The following RYR2 variants were observed in gnomAD, a reference collection of about 807,000 sequenced individuals.
The protein encoded by RYR2 is cardiac muscle ryanodine receptor-calcium release channel.
In RYR2, 227 loss-of-function variants were observed where a neutral mutation model predicts 601.1. The ratio of observed to expected loss-of-function variants is 0.38; its 90% CI spans 0.34 to 0.42. The LOEUF (loss-of-function observed/expected upper bound fraction) is 0.42. Among genes scored for constraint, RYR2 ranks in the 10% least tolerant of loss-of-function variants. The probability of loss-of-function intolerance (pLI) is 1.00; values close to 1 mark genes in which losing one functional copy is unlikely to be tolerated. For missense variants in RYR2, 4,646 were observed against 6,156.5 expected, an observed-to-expected ratio of 0.75 and a Z score of 8.21; for synonymous variants, 2,223 against 2,175.1, an observed-to-expected ratio of 1.02 and a Z score of -0.61.
intron 1 of RYR2, among the ~76,000 whole-genome samples, chr1:237,053,245 C>A (rs916531951): frequency 6.6e-6 from 1 of 152,200 alleles, no homozygotes; most frequent in African/African-American, 2.4e-5. Flanking sequence ...AGCTGGGAGT[C>A]ATGATCAGCT....
At position 237,684,094 on chromosome 1, in the gene RYR2, A is replaced by ATT. The variant is rs1223468414; in HGVS notation, c.9018-3350_9018-3349dup. Among the ~76,000 whole-genome samples, 10 of 147,022 alleles carry ATT rather than the reference A, an allele frequency of 6.8e-5. 1 individual carries two copies. Among genetic ancestry groups the ATT allele is most frequent in the South Asian group, 6.5e-4 (3 of 4,626 alleles). ...AGGCACCCACCACCATGCCCGGCTA[A>ATT]TTTTTTTTTTTTATTATTTTTAGTA... On this transcript the variant is annotated intron_variant, in intron 62 of 104. Coordinates refer to ENST00000366574, the MANE Select transcript of RYR2 (RefSeq NM_001035.3).
chr1:237,301,468 C>T (rs1005621761), intron 2 of RYR2, among the ~76,000 whole-genome samples: 4 of 152,156 alleles, frequency 2.6e-5, no homozygotes, highest in African/African-American at 4.8e-5. Flanking sequence ...TTTGTCCTTA[C>T]AATTGCAAAC....
rs554468710 is a variant in RYR2 at position 237,541,664 on chromosome 1, C to T, written c.2907-6767C>T. 2.4e-3 allele frequency among the ~76,000 whole-genome samples: 367 copies of T among 152,002 alleles called. 1 individual carries two copies. Among genetic ancestry groups the T allele is most frequent in the African/African-American group, 8.3e-3 (344 of 41,426 alleles). ...CACCTGGGTGCAGGTGGGCTGAGTC[C>T]GAAAAGAGAGTCAGCGAAGGGAGAT... On this transcript the variant is annotated intron_variant, in intron 25 of 104. Coordinates refer to ENST00000366574, the MANE Select transcript of RYR2 (RefSeq NM_001035.3).
At chr1:237,184,762 T>G (rs185468162) in intron 1 of RYR2, among the ~76,000 whole-genome samples, 42 of 152,300 alleles carry the variant, frequency 2.8e-4, no homozygotes, top group Admixed American at 2.4e-3. Flanking sequence ...ATAAATTTAT[T>G]AGGTTTTAAA....
chr1:237,284,505 A>ATATGTAAATATATAT (rs1691274985), intron 2 of RYR2, among the ~76,000 whole-genome samples: 21 of 142,006 alleles, frequency 1.5e-4, no homozygotes, highest in South Asian at 6.5e-4. Context: ...AATATATATA[A>ATATGTAAATATATAT]AATATATATA....
chr1:237,777,535 T>G (rs886634928), intron 87 of RYR2, among the ~76,000 whole-genome samples: 8 of 152,218 alleles, frequency 5.3e-5, no homozygotes, highest in African/African-American at 1.9e-4. Context: ...TGTACTTTTT[T>G]CCTTTCTAAG....
chr1:237,714,673 G>A (rs917238242), intron 71 of RYR2, among the ~76,000 whole-genome samples: 1 of 152,044 alleles, frequency 6.6e-6, no homozygotes, highest in African/African-American at 2.4e-5. Flanking sequence ...AGAAGCAGAG[G>A]TTGATTGATT....
intron 22 of RYR2, among the ~76,000 whole-genome samples, chr1:237,505,266 A>G (rs1030675152): frequency 2.0e-5 from 3 of 152,176 alleles, no homozygotes; most frequent in African/African-American, 4.8e-5. Context: ...CATAGATGTA[A>G]TGGTGTTCTG....
At chr1:237,617,961 A>G (rs966579713) in intron 38 of RYR2, among the ~76,000 whole-genome samples, 1 of 152,144 alleles carries the variant, frequency 6.6e-6, no homozygotes, top group African/African-American at 2.4e-5. Context: ...TGAGGGTACA[A>G]CAGAACAAAG....
chr1:237,383,503 C>G lies in RYR2; in HGVS notation c.577-3778C>G, dbSNP rs1299013854. On this transcript the variant is annotated intron_variant, in intron 8 of 104. Transcript: ENST00000366574. Reference sequence around the variant, plus strand: ...GGAGTACAGGGGCACGATCTCGGCTCGCTGCAAGCTCCACCTCCCGGGTTC... The same window carrying G: ...GGAGTACAGGGGCACGATCTCGGCTGGCTGCAAGCTCCACCTCCCGGGTTC... Among the ~76,000 whole-genome samples the G allele has an allele frequency of 2.9e-5, 4 of 138,336 alleles. No individual in the cohort carries two copies. The South Asian group carries it at 7.1e-4, about 25-fold the overall frequency. 90.8% of individuals were successfully genotyped at this position (138,336 alleles called of 152,430 possible).
At chr1:237,740,871 C>T (rs564998215) in intron 79 of RYR2, among the ~76,000 whole-genome samples, 6 of 152,188 alleles carry the variant, frequency 3.9e-5, no homozygotes, top group East Asian at 3.9e-4. Flanking sequence ...CCTCTGTTTT[C>T]GACATTAGAT....
intron 3 of RYR2, among the ~76,000 whole-genome samples, chr1:237,344,939 T>C (rs771749382): frequency 7.2e-5 from 11 of 152,054 alleles, no homozygotes; most frequent in Non-Finnish European, 1.2e-4. Context: ...GCCTCCTGAG[T>C]AGCTGGGACT....
chr1:237,402,939 G>A (rs370866779), intron 10 of RYR2, among the ~76,000 whole-genome samples: 78 of 146,136 alleles, frequency 5.3e-4, no homozygotes, highest in African/African-American at 1.7e-3. Context: ...AAAAAGATTG[G>A]GAAATATAGA....
chr1:237,599,759 G>A (rs1676288157), intron 34 of RYR2, among the ~76,000 whole-genome samples: 1 of 146,282 alleles, frequency 6.8e-6, no homozygotes, highest in African/African-American at 2.6e-5. Context: ...GGAGGCAGAG[G>A]TTGCAGTGAG....
chr1:237,500,677 T>C, intron 20 of RYR2, 34 bp from the exon 21 acceptor site: 1 of 1,530,228 alleles, frequency 6.5e-7, no homozygotes, highest in South Asian at 1.3e-5. Context: ...GATAAAAAAA[T>C]ACATGACCTT....
At chr1:237,613,960 C>T in intron 36 of RYR2, 79 bp from the exon 37 acceptor site, 1 of 1,330,722 alleles carries the variant, frequency 7.5e-7, no homozygotes, top group Non-Finnish European at 1.0e-6. Context: ...ATTTACAGTG[C>T]ATACTGATTT....
chr1:237,230,927 C>CAAAAAAAAAAAAAA (rs34596432), intron 1 of RYR2, among the ~76,000 whole-genome samples: 20 of 105,850 alleles, frequency 1.9e-4, no homozygotes, highest in African/African-American at 1.5e-4. Flanking sequence ...AGACTCGTCT[C>CAAAAAAAAAAAAAA]AAAAAAAAAA....
At chr1:237,696,268 C>T (rs1358962363) in intron 63 of RYR2, among the ~76,000 whole-genome samples, 2 of 152,162 alleles carry the variant, frequency 1.3e-5, no homozygotes, top group African/African-American at 4.8e-5. Flanking sequence ...GAAGGACCTG[C>T]CTCTCTGATT....
At chr1:237,712,351 G>A (rs896262441) in intron 71 of RYR2, among the ~76,000 whole-genome samples, 3 of 152,010 alleles carry the variant, frequency 2.0e-5, no homozygotes, top group Non-Finnish European at 4.4e-5. Flanking sequence ...ATAAGAGCCC[G>A]ATAGGTGAGG....
Sources: gnomAD v4.1 joint callset for allele counts (sites outside exome capture counted in the v4.1 genomes callset) on GRCh38, gnomAD v4.1.1 for gene constraint, MANE v1.5 for transcripts, NCBI Gene and HGNC (gene_info 2026-07-23, HGNC 2026-07-21) for gene names.